Variants in BCL2 observed in about 807,000 individuals in gnomAD.
BCL2 encodes BCL2 apoptosis regulator, also known as apoptosis regulator Bcl-2.
A neutral mutation model predicts 14.2 loss-of-function variants in BCL2; 1 was observed. The observed-to-expected ratio is 0.07, with a 90% CI of 0.02 to 0.33. BCL2 has a LOEUF of 0.33. Ranked by LOEUF, BCL2 falls within the 10% of genes least tolerant of loss-of-function variation. The pLI, the probability that BCL2 is intolerant of heterozygous loss-of-function variation, is 0.99. For synonymous variants in BCL2, 151 were observed against 137.2 expected (o/e 1.10, Z -0.70); for missense variants, 247 against 305.9 (o/e 0.81, Z 1.44).
intron 2 of BCL2, among the ~76,000 whole-genome samples, chr18:63,221,676 C>T (rs1244918769): frequency 2.6e-5 from 4 of 152,164 alleles, no homozygotes; most frequent in Non-Finnish European, 5.9e-5. Flanking sequence ...ATCTCAAAGC[C>T]TCAAAAAGTC....
intron 2 of BCL2, among the ~76,000 whole-genome samples, chr18:63,200,420 C>T (rs1909656203): frequency 6.6e-6 from 1 of 152,198 alleles, no homozygotes; most frequent in Non-Finnish European, 1.5e-5. Flanking sequence ...ATACATCTGA[C>T]CCCTTACACT....
chr18:63,135,281 C>T (rs1914180864), intron 2 of BCL2, among the ~76,000 whole-genome samples: 1 of 152,222 alleles, frequency 6.6e-6, no homozygotes, highest in Non-Finnish European at 1.5e-5. Context: ...CCCATCCCGA[C>T]CTTCCTCTCT....
rs1913889011 is a variant in BCL2 at position 63,125,533 on chromosome 18, A to C, written c.*3092T>G. ...AGTGCATATACTCTATTTAACTCTG[A>C]CCCTGGCCAGTGTAAAGAGGAGTAC... On this transcript the variant is annotated 3_prime_UTR_variant, in exon 3 of 3. Coordinates refer to ENST00000333681, the MANE Select transcript of BCL2 (RefSeq NM_000633.3). 1 of 216,322 alleles carries C rather than the reference A, an allele frequency of 4.6e-6. No homozygotes were observed. Among genetic ancestry groups the C allele is most frequent in the African/African-American group, 2.3e-5 (1 of 44,400 alleles). 13.4% of individuals were successfully genotyped at this position (216,322 alleles called of 1,614,324 possible).
intron 2 of BCL2, among the ~76,000 whole-genome samples, chr18:63,274,933 G>A (rs1317184366): frequency 6.6e-6 from 1 of 152,192 alleles, no homozygotes; most frequent in South Asian, 2.1e-4. Flanking sequence ...TTACATTTGG[G>A]TCCTACATTC....
At chr18:63,133,540 G>C (rs1032233074) in intron 2 of BCL2, among the ~76,000 whole-genome samples, 4 of 151,916 alleles carry the variant, frequency 2.6e-5, no homozygotes, top group African/African-American at 7.3e-5. Context: ...CTCCCACCTT[G>C]GCCTCCCAAA....
At chr18:63,142,871 C>A (rs767792291) in intron 2 of BCL2, among the ~76,000 whole-genome samples, 29 of 152,234 alleles carry the variant, frequency 1.9e-4, no homozygotes, top group Non-Finnish European at 3.5e-4. Flanking sequence ...AGATGCATTT[C>A]AAGGAACACT....
At chr18:63,297,668 G>A (rs1912837770) in intron 2 of BCL2, among the ~76,000 whole-genome samples, 1 of 152,204 alleles carries the variant, frequency 6.6e-6, no homozygotes. Context: ...AGAATAAGAG[G>A]AAGAATAAAG....
At chr18:63,220,025 T>C (rs1910342928) in intron 2 of BCL2, among the ~76,000 whole-genome samples, 1 of 152,224 alleles carries the variant, frequency 6.6e-6, no homozygotes, top group Non-Finnish European at 1.5e-5. Flanking sequence ...CATTTGTTAC[T>C]CAGCAGTACT....
At chr18:63,133,034 C>A (rs1189221265) in intron 2 of BCL2, among the ~76,000 whole-genome samples, 1 of 152,194 alleles carries the variant, frequency 6.6e-6, no homozygotes, top group Non-Finnish European at 1.5e-5. Flanking sequence ...GGCCTCAGCT[C>A]TGGTGGCTCT....
At chr18:63,212,123 C>T (rs34479040) in intron 2 of BCL2, among the ~76,000 whole-genome samples, 37 of 151,812 alleles carry the variant, frequency 2.4e-4, no homozygotes, top group Non-Finnish European at 3.4e-4. Flanking sequence ...GTCAGGAGTT[C>T]GAGACCATCC....
At chr18:63,264,074 G>T (rs1452722754) in intron 2 of BCL2, among the ~76,000 whole-genome samples, 1 of 152,166 alleles carries the variant, frequency 6.6e-6, no homozygotes, top group Non-Finnish European at 1.5e-5. Context: ...CCAGCCTGCT[G>T]CGAATCTTAA....
chr18:63,253,947 A>C (rs1911392532), intron 2 of BCL2, among the ~76,000 whole-genome samples: 1 of 147,602 alleles, frequency 6.8e-6, no homozygotes. Context: ...TTTCTCTCTT[A>C]TCGAGGAGGA....
intron 2 of BCL2, among the ~76,000 whole-genome samples, chr18:63,198,946 CAG>C (rs1292416470): frequency 7.6e-5 from 5 of 66,138 alleles, no homozygotes; most frequent in East Asian, 4.6e-4. Context: ...CACACTGACA[CAG>C]AGACACACAC....
intron 2 of BCL2, among the ~76,000 whole-genome samples, chr18:63,141,744 C>T (rs1375784511): frequency 6.6e-6 from 1 of 152,268 alleles, no homozygotes; most frequent in African/African-American, 2.4e-5. Context: ...CTCCTCCCCA[C>T]CCCACGCCAC....
chr18:63,319,578 C>T lies in BCL2; in HGVS notation c.-691G>A, dbSNP rs1182415971. On this transcript the variant is annotated 5_prime_UTR_variant, in exon 1 of 3. Transcript: ENST00000333681. ...TCTCTATCCACGGGACCGCTTCACG[C>T]CTCCCCAGGAGAGAGACAGGGGAGA... 4.4e-6 allele frequency: 1 copy of T among 227,968 alleles called. No homozygotes were observed. The highest frequency in any genetic ancestry group is 5.7e-5 in the Admixed American group (1 of 17,588). 14.1% of individuals were successfully genotyped at this position (227,968 alleles called of 1,614,324 possible).
At chr18:63,286,877 C>T (rs968532150) in intron 2 of BCL2, among the ~76,000 whole-genome samples, 8 of 152,084 alleles carry the variant, frequency 5.3e-5, no homozygotes, top group African/African-American at 1.9e-4. Flanking sequence ...ATCTGGGTCT[C>T]CTGGGTCCCT....
Position 63,318,312 on chromosome 18 carries a change from G to A in BCL2, c.355C>T (p.Leu119=), listed in dbSNP as rs776905089. ...RRDFAEMSSQ[L]HLTPFTARGR... Reference sequence around the variant, plus strand: ...CGCGCGGTGAAGGGCGTCAGGTGCAGCTGGCTGGACATCTCGGCGAAGTCG... The same window carrying A: ...CGCGCGGTGAAGGGCGTCAGGTGCAACTGGCTGGACATCTCGGCGAAGTCG... Residue 119 remains leucine, a synonymous_variant, in exon 2 of 3, where the codon CTG becomes TTG. Coordinates refer to ENST00000333681, the MANE Select transcript of BCL2 (RefSeq NM_000633.3). This position sits in a 1 kb window ranked among gnomAD's most constrained non-coding sequence, Gnocchi z 7.4. 8 of 1,614,092 alleles carry A rather than the reference G, an allele frequency of 5.0e-6. No individual in the cohort carries two copies. The South Asian group carries it at 8.8e-5, about 18-fold the overall frequency.
intron 2 of BCL2, among the ~76,000 whole-genome samples, chr18:63,194,248 G>A (rs1446365597): frequency 1.3e-5 from 2 of 152,150 alleles, no homozygotes; most frequent in Non-Finnish European, 2.9e-5. Flanking sequence ...AGTTACACTG[G>A]AATGAGGCTG....
At chr18:63,302,260 C>A (rs1037005608) in intron 2 of BCL2, 2 of 849,128 alleles carry the variant, frequency 2.4e-6, no homozygotes, top group Admixed American at 6.3e-5. Flanking sequence ...GGGACTGCAC[C>A]ACTGCACTCC....
Sources: gnomAD v4.1 joint callset for allele counts (sites outside exome capture counted in the v4.1 genomes callset) on GRCh38, gnomAD v4.1.1 for gene constraint, Gnocchi (gnomAD v3.1) non-coding constraint, MANE v1.5 for transcripts, NCBI Gene and HGNC (gene_info 2026-07-23, HGNC 2026-07-21) for gene names.